Variants in CAST observed in about 807,000 individuals in gnomAD.
The protein encoded by CAST is calpastatin, also known as MIR583 host.
A neutral mutation model predicts 119.6 loss-of-function variants in CAST; 76 were observed. The ratio of observed to expected loss-of-function variants is 0.64; its 90% confidence interval spans 0.53 to 0.77. The LOEUF (loss-of-function observed/expected upper bound fraction) is 0.77, where lower values mean the gene tolerates loss of function less well. Among genes scored for constraint, CAST ranks in the 30% least tolerant of loss-of-function variants. CAST has a pLI of 0.00. For missense variants in CAST, 953 were observed against 946.5 expected (o/e 1.01, Z -0.09); for synonymous variants, 319 against 331.6 (o/e 0.96, Z 0.41).
At chr5:96,178,633 G>C in the CAST span, among the ~76,000 whole-genome samples, 2 of 152,178 alleles carry the variant, frequency 1.3e-5, no homozygotes, top group African/African-American at 2.4e-5. Context: ...TCTAATGGTG[G>C]CCTTTGAGAG....
At chr5:96,104,674 C>T in the CAST span, among the ~76,000 whole-genome samples, 1 of 150,530 alleles carries the variant, frequency 6.6e-6, no homozygotes. Context: ...AGTGTGATGC[C>T]TCCAGCTTTG....
At chr5:96,358,243 G>T in the CAST span, among the ~76,000 whole-genome samples, 2 of 151,820 alleles carry the variant, frequency 1.3e-5, no homozygotes, top group Non-Finnish European at 2.9e-5. Flanking sequence ...TAATCTGGCT[G>T]GTGGTCTATC....
the CAST span, among the ~76,000 whole-genome samples, chr5:96,194,145 C>T: frequency 0.028 from 4,202 of 152,248 alleles, 214 homozygotes; most frequent in African/African-American, 0.096. Context: ...TGCTTGAATA[C>T]ACCTGACTAG....
the CAST span, among the ~76,000 whole-genome samples, chr5:96,298,620 G>A: frequency 1.3e-5 from 2 of 152,158 alleles, no homozygotes; most frequent in African/African-American, 4.8e-5. Flanking sequence ...GGGAATATTA[G>A]TGTCATTTTT....
chr5:96,647,231 G>A (rs984901589), intron 1 of CAST, among the ~76,000 whole-genome samples: 6 of 152,160 alleles, frequency 3.9e-5, no homozygotes, highest in African/African-American at 4.8e-5. Context: ...CTTAGGTTTC[G>A]GTATATCGTT....
chr5:96,325,423 CTTCT>C, the CAST span, among the ~76,000 whole-genome samples: 5 of 143,432 alleles, frequency 3.5e-5, no homozygotes, highest in Admixed American at 2.1e-4. Context: ...TCTTTCTTTC[CTTCT>C]TTCTTTTCTT....
the CAST span, among the ~76,000 whole-genome samples, chr5:96,111,588 T>G: frequency 1.2e-3 from 189 of 152,324 alleles, no homozygotes; most frequent in Middle Eastern, 6.8e-3. Flanking sequence ...GGAAGTGGCT[T>G]ATTATGAACA....
chr5:96,435,984 T>C, the CAST span, among the ~76,000 whole-genome samples: 2 of 152,228 alleles, frequency 1.3e-5, no homozygotes, highest in African/African-American at 4.8e-5. Flanking sequence ...GTGTAACCAT[T>C]TGGGCCAAGA....
chr5:96,460,447 A>T, the CAST span, among the ~76,000 whole-genome samples: 1 of 152,062 alleles, frequency 6.6e-6, no homozygotes. Context: ...TAAAACCTAG[A>T]TGATGGGTTG....
chr5:96,157,379 A>G, the CAST span, among the ~76,000 whole-genome samples: 210 of 152,378 alleles, frequency 1.4e-3, no homozygotes, highest in African/African-American at 5.0e-3. Flanking sequence ...TTCCAAAAGG[A>G]TGTTGTCTAA....
chr5:96,285,122 GT>G, the CAST span, among the ~76,000 whole-genome samples: 1 of 152,124 alleles, frequency 6.6e-6, no homozygotes, highest in African/African-American at 2.4e-5. Flanking sequence ...ATTTATCCAT[GT>G]AGCTACCTGA....
the CAST span, among the ~76,000 whole-genome samples, chr5:96,209,797 CTG>C: frequency 2.2e-3 from 341 of 151,744 alleles, 1 homozygote; most frequent in African/African-American, 7.9e-3. Context: ...AATCTGAAGA[CTG>C]TGTGTCTTGG....
At chr5:96,606,350 CTGAG>C (rs1747254875) in intron 1 of CAST, among the ~76,000 whole-genome samples, 1 of 152,182 alleles carries the variant, frequency 6.6e-6, no homozygotes, top group South Asian at 2.1e-4. Flanking sequence ...TTTAATTTCT[CTGAG>C]TGTCAGATTT....
At chr5:96,408,192 TA>T in the CAST span, 1 of 1,473,466 alleles carries the variant, frequency 6.8e-7, no homozygotes. Flanking sequence ...TCAGCCTTTG[TA>T]AAGGTGATTA....
the CAST span, among the ~76,000 whole-genome samples, chr5:96,419,818 T>C: frequency 2.6e-4 from 40 of 152,232 alleles, no homozygotes; most frequent in African/African-American, 9.4e-4. Flanking sequence ...ACAACTATTA[T>C]AAATGCTGTG....
At chr5:96,720,164 G>C (rs1274758484) in intron 3 of CAST, among the ~76,000 whole-genome samples, 1 of 152,146 alleles carries the variant, frequency 6.6e-6, no homozygotes, top group East Asian at 1.9e-4. Flanking sequence ...ACACCTGGGG[G>C]AGCCAATGAA....
At chr5:96,412,699 G>A in the CAST span, among the ~76,000 whole-genome samples, 29 of 145,588 alleles carry the variant, frequency 2.0e-4, no homozygotes, top group Non-Finnish European at 2.4e-4. Context: ...CTTTTTTGTC[G>A]CACTTTAGAG....
chr5:96,620,122 G>C (rs1250190972), intron 1 of CAST, among the ~76,000 whole-genome samples: 2 of 152,168 alleles, frequency 1.3e-5, no homozygotes, highest in African/African-American at 4.8e-5. Context: ...GGAAGGCCAG[G>C]CTCTGGCAGT....
chr5:96,030,485 C>G, the CAST span, among the ~76,000 whole-genome samples: 1 of 152,148 alleles, frequency 6.6e-6, no homozygotes, highest in Admixed American at 6.6e-5. Context: ...GCTTGGTCAA[C>G]CTCATTTAGG....
Sources: allele counts gnomAD v4.1 joint callset (sites outside exome capture counted in the v4.1 genomes callset), GRCh38; gene constraint gnomAD v4.1.1; transcripts MANE v1.5; gene names NCBI Gene and HGNC (gene_info 2026-07-23, HGNC 2026-07-21).